The following SLC10A7 variants were observed in gnomAD, a reference collection of about 807,000 sequenced individuals.
SLC10A7 encodes the protein sodium/bile acid cotransporter 7.
In SLC10A7, 29 loss-of-function variants were observed where a neutral mutation model predicts 43.2. The ratio of observed to expected loss-of-function variants is 0.67; its 90% CI spans 0.50 to 0.92. The LOEUF is 0.92. SLC10A7 is among the 40% of genes least tolerant of loss of function. SLC10A7 has a pLI of 0.00. For missense variants in SLC10A7, 295 were observed against 403.2 expected (o/e 0.73, Z 2.30); for synonymous variants, 152 against 144.8 (o/e 1.05, Z -0.35).
intron 4 of SLC10A7, among the ~76,000 whole-genome samples, chr4:146,475,354 C>A (rs948373969): frequency 2.0e-5 from 3 of 151,846 alleles, no homozygotes; most frequent in African/African-American, 7.3e-5. Context: ...AAAAATAATC[C>A]ACTTAAAACG....
intron 10 of SLC10A7, among the ~76,000 whole-genome samples, chr4:146,273,221 T>A (rs189099883): frequency 6.6e-6 from 1 of 152,238 alleles, no homozygotes; most frequent in East Asian, 1.9e-4. Context: ...GAGCTGTAGG[T>A]GACAACTGCA....
intron 5 of SLC10A7, among the ~76,000 whole-genome samples, chr4:146,355,417 AG>A (rs1735504983): frequency 6.6e-6 from 1 of 152,234 alleles, no homozygotes; most frequent in Admixed American, 6.5e-5. Flanking sequence ...GTGGAGAAAT[AG>A]GAACACGTTT....
At chr4:146,352,449 A>G (rs1210799323) in intron 5 of SLC10A7, among the ~76,000 whole-genome samples, 10 of 134,352 alleles carry the variant, frequency 7.4e-5, no homozygotes, top group African/African-American at 1.4e-4. Context: ...AGACTTTAAC[A>G]CCCCACTGTC....
At chr4:146,349,185 G>C (rs1368712029) in intron 5 of SLC10A7, among the ~76,000 whole-genome samples, 1 of 151,844 alleles carries the variant, frequency 6.6e-6, no homozygotes, top group Non-Finnish European at 1.5e-5. Flanking sequence ...TTAACTACTT[G>C]TTACTACTAT....
intron 10 of SLC10A7, among the ~76,000 whole-genome samples, chr4:146,267,469 C>T (rs7655063): frequency 5.3e-4 from 81 of 152,308 alleles, no homozygotes; most frequent in African/African-American, 1.7e-3. Context: ...TCACAGATCA[C>T]GTGACCTGCT....
intron 5 of SLC10A7, among the ~76,000 whole-genome samples, chr4:146,357,648 G>A (rs1371927450): frequency 6.6e-6 from 1 of 152,220 alleles, no homozygotes; most frequent in African/African-American, 2.4e-5. Flanking sequence ...TTTGATGAGA[G>A]CTATCATTAA....
chr4:146,433,163 C>CTT (rs760409464), intron 5 of SLC10A7, among the ~76,000 whole-genome samples: 15 of 138,476 alleles, frequency 1.1e-4, no homozygotes, highest in South Asian at 2.3e-4. Flanking sequence ...TATTCTCTAG[C>CTT]TTTTTTTTTT....
intron 5 of SLC10A7, among the ~76,000 whole-genome samples, chr4:146,359,594 T>C (rs997540101): frequency 1.3e-5 from 2 of 152,152 alleles, no homozygotes; most frequent in Non-Finnish European, 2.9e-5. Context: ...GACAGTAATA[T>C]TGCTTTCTGC....
In SLC10A7 at chr4:146,348,465, C is replaced by T. The variant is rs538980631; in HGVS notation, c.436-22469G>A. On this transcript the variant is annotated intron_variant, in intron 5 of 11. Transcript: ENST00000335472. ...CAGCTGGTGTGCTGTGTATTTAAAA[C>T]GTGTAAAAGAACTCCTGTTCTCTCT... is the stretch of plus-strand genomic sequence containing the variant. Among the ~76,000 whole-genome samples the T allele has an allele frequency of 3.9e-5, 6 of 152,234 alleles. No homozygotes were observed. The East Asian group carries it at 5.8e-4, about 15-fold the overall frequency.
chr4:146,350,090 CG>C (rs1187029473), intron 5 of SLC10A7, among the ~76,000 whole-genome samples: 226 of 151,428 alleles, frequency 1.5e-3, no homozygotes, highest in African/African-American at 4.9e-3. Context: ...ACGCAGAAGA[CG>C]GGTGATTTCT....
At chr4:146,409,025 ACT>A (rs890052089) in intron 5 of SLC10A7, among the ~76,000 whole-genome samples, 1 of 152,060 alleles carries the variant, frequency 6.6e-6, no homozygotes, top group Non-Finnish European at 1.5e-5. Context: ...AAAAACAAAA[ACT>A]CTGAACCGAA....
chr4:146,288,081 C>A (rs1335524382), intron 9 of SLC10A7, among the ~76,000 whole-genome samples: 1 of 152,198 alleles, frequency 6.6e-6, no homozygotes, highest in East Asian at 1.9e-4. Flanking sequence ...AGATTTCTGG[C>A]TCATTGCTCT....
At chr4:146,330,421 A>G (rs1163812674) in intron 5 of SLC10A7, among the ~76,000 whole-genome samples, 1 of 152,214 alleles carries the variant, frequency 6.6e-6, no homozygotes, top group Non-Finnish European at 1.5e-5. Context: ...AGGATACTGC[A>G]TTAACTCAGT....
At chr4:146,432,373 T>C (rs1729842871) in intron 5 of SLC10A7, among the ~76,000 whole-genome samples, 1 of 152,198 alleles carries the variant, frequency 6.6e-6, no homozygotes, top group African/African-American at 2.4e-5. Context: ...AAACAACCAG[T>C]TCATCAACTG....
intron 5 of SLC10A7, among the ~76,000 whole-genome samples, chr4:146,372,254 G>A (rs1328241851): frequency 6.6e-6 from 1 of 151,986 alleles, no homozygotes; most frequent in Non-Finnish European, 1.5e-5. Context: ...AGGAGTTCAA[G>A]ACCAGCCTGG....
At chr4:146,388,915 G>T (rs2149800710) in intron 5 of SLC10A7, among the ~76,000 whole-genome samples, 1 of 152,220 alleles carries the variant, frequency 6.6e-6, no homozygotes, top group African/African-American at 2.4e-5. Flanking sequence ...AAAAGCTCCT[G>T]TACAGCAAAA....
chr4:146,391,583 G>A lies in SLC10A7; in HGVS notation c.435+51200C>T, dbSNP rs551756799. 3.9e-5 allele frequency among the ~76,000 whole-genome samples: 6 copies of A among 152,286 alleles called. No homozygotes were observed. In the South Asian group the frequency reaches 1.2e-3, roughly 32 times the overall value. On this transcript the variant is annotated intron_variant, in intron 5 of 11. Transcript: ENST00000335472. ...CTGTAGAGCTGGATTTCATTGAGCC[G>A]CTGGTCAATTGTTAGGGACAGAGGT...
At chr4:146,306,340 G>C (rs568130544) in intron 6 of SLC10A7, among the ~76,000 whole-genome samples, 2 of 152,154 alleles carry the variant, frequency 1.3e-5, no homozygotes, top group South Asian at 2.1e-4. Context: ...CAGGTTATGT[G>C]ATTTTTATTT....
At chr4:146,353,056 T>C (rs529413958) in intron 5 of SLC10A7, among the ~76,000 whole-genome samples, 132 of 151,116 alleles carry the variant, frequency 8.7e-4, no homozygotes, top group African/African-American at 3.2e-3. Flanking sequence ...CTGAAGGAAA[T>C]AGAGAAACAA....
Sources: gnomAD v4.1 joint callset for allele counts (sites outside exome capture counted in the v4.1 genomes callset) on GRCh38, gnomAD v4.1.1 for gene constraint, MANE v1.5 for transcripts, NCBI Gene and HGNC (gene_info 2026-07-23, HGNC 2026-07-21) for gene names.